Variants in BMP2K observed in about 807,000 individuals in gnomAD.
BMP2K encodes the protein BMP2 inducible kinase.
In BMP2K, 74 loss-of-function variants were observed where a neutral mutation model predicts 116.0. The ratio of observed to expected loss-of-function variants is 0.64; its 90% CI spans 0.53 to 0.77. The LOEUF (loss-of-function observed/expected upper bound fraction) is 0.77. Among genes scored for constraint, BMP2K ranks in the 30% least tolerant of loss-of-function variants. The pLI is 0.00. For synonymous variants in BMP2K, 486 were observed against 502.5 expected (o/e 0.97, Z 0.44); for missense variants, 1,365 against 1,403.6 (o/e 0.97, Z 0.44).
intron 1 of BMP2K, among the ~76,000 whole-genome samples, chr4:78,817,249 C>G (rs1162611057): frequency 2.0e-5 from 3 of 152,198 alleles, no homozygotes; most frequent in African/African-American, 7.2e-5. Context: ...AATTCTGACA[C>G]TTAACTGTTC....
rs116372096 is a variant in BMP2K at position 78,826,769 on chromosome 4, T to G, written c.297+614T>G. Among the ~76,000 whole-genome samples, 659 of 152,276 alleles carry G rather than the reference T, an allele frequency of 4.3e-3. 8 individuals are homozygous for G. The highest frequency in any genetic ancestry group is 0.015 in the African/African-American group (610 of 41,538). On this transcript the variant is annotated intron_variant, in intron 2 of 15. Transcript: ENST00000502613. The stretch of plus-strand genomic sequence containing the variant: ...TGTATACTTTAAAGCTACTCTGCTT[T>G]CTTTCTTTTTTTTTTCTTAAATACT...
intron 8 of BMP2K, chr4:78,860,015 GTT>G (rs375841644): frequency 3.0e-4 from 138 of 463,758 alleles, no homozygotes; most frequent in Admixed American, 4.7e-4. Flanking sequence ...AGGACTGTTA[GTT>G]TTTTTTTTTT....
chr4:78,795,177 CATA>C (rs796464937), intron 1 of BMP2K, among the ~76,000 whole-genome samples: 1 of 152,294 alleles, frequency 6.6e-6, no homozygotes, highest in African/African-American at 2.4e-5. Flanking sequence ...CGCAGTGTGC[CATA>C]ATAACTTTTT....
chr4:78,908,754 A>G (rs1319714355), intron 15 of BMP2K, among the ~76,000 whole-genome samples: 1 of 152,210 alleles, frequency 6.6e-6, no homozygotes, highest in Non-Finnish European at 1.5e-5. Context: ...TTAAAAAATT[A>G]TGCTCATTAA....
rs1358449837 is a variant in BMP2K, at chr4:78,839,622, A to G, written c.404-2763A>G. 2.6e-5 allele frequency among the ~76,000 whole-genome samples: 4 copies of G among 152,196 alleles called. No homozygotes were observed. In the East Asian group the frequency reaches 5.8e-4, roughly 22 times the overall value. ...CAGAACTAATAGGATAGATATACATATAAAGGGGAGCTTTATATGTATATA... is the reference window on the plus strand; with the variant it reads ...CAGAACTAATAGGATAGATATACATGTAAAGGGGAGCTTTATATGTATATA... On this transcript the variant is annotated intron_variant, in intron 3 of 15. Coordinates refer to ENST00000502613, the MANE Select transcript of BMP2K (RefSeq NM_198892.2).
intron 1 of BMP2K, among the ~76,000 whole-genome samples, chr4:78,782,625 A>C (rs569772032): frequency 6.6e-6 from 1 of 152,284 alleles, no homozygotes; most frequent in East Asian, 1.9e-4. Context: ...GTGTCATTTC[A>C]CTTAACAACT....
intron 1 of BMP2K, 62 bp downstream of exon 1, chr4:78,776,783 T>G: frequency 8.3e-7 from 1 of 1,200,294 alleles, no homozygotes; most frequent in Non-Finnish European, 1.0e-6. Context: ...TGGCGGCGGC[T>G]TCTCCGGGTC....
At chr4:78,849,099 T>A (rs1251358638) in intron 6 of BMP2K, among the ~76,000 whole-genome samples, 3 of 151,534 alleles carry the variant, frequency 2.0e-5, no homozygotes, top group African/African-American at 4.8e-5. Context: ...ATAATTATTT[T>A]AAAAAATAAT....
chr4:78,789,094 GTATTA>G (rs1411793723), intron 1 of BMP2K, among the ~76,000 whole-genome samples: 2 of 151,954 alleles, frequency 1.3e-5, no homozygotes, highest in Non-Finnish European at 2.9e-5. Flanking sequence ...AATATCCTGA[GTATTA>G]TATTAACTGT....
At chr4:78,876,785 T>C (rs752558387) in intron 13 of BMP2K, among the ~76,000 whole-genome samples, 2 of 152,220 alleles carry the variant, frequency 1.3e-5, no homozygotes, top group Non-Finnish European at 2.9e-5. Context: ...AGTCATGCAT[T>C]GCATAACAAT....
chr4:78,908,445 G>T (rs1734395295), intron 15 of BMP2K, among the ~76,000 whole-genome samples: 1 of 152,076 alleles, frequency 6.6e-6, no homozygotes. Flanking sequence ...AGTTTGTTTT[G>T]TATGTTCATC....
At chr4:78,876,698 A>G (rs1224771718) in intron 13 of BMP2K, among the ~76,000 whole-genome samples, 1 of 152,224 alleles carries the variant, frequency 6.6e-6, no homozygotes, top group African/African-American at 2.4e-5. Context: ...CTTCATTACT[A>G]CTGTTAAGAG....
chr4:78,835,537 G>C (rs999687980), intron 3 of BMP2K, among the ~76,000 whole-genome samples: 13 of 150,706 alleles, frequency 8.6e-5, no homozygotes, highest in Non-Finnish European at 1.8e-4. Context: ...GCTGAGGCAG[G>C]AGAATGGCAT....
At chr4:78,874,928 C>T (rs1325620430) in intron 13 of BMP2K, among the ~76,000 whole-genome samples, 1 of 152,154 alleles carries the variant, frequency 6.6e-6, no homozygotes, top group East Asian at 1.9e-4. Context: ...TAAGTTATCA[C>T]AAAAATCATC....
chr4:78,792,663 AT>A (rs200974779), intron 1 of BMP2K, among the ~76,000 whole-genome samples: 2,205 of 147,862 alleles, frequency 0.015, 49 homozygotes, highest in African/African-American at 0.048. Flanking sequence ...AACAAATGTG[AT>A]TTTTTTTTTT....
chr4:78,821,320 T>G (rs1043048346), intron 1 of BMP2K, among the ~76,000 whole-genome samples: 3 of 152,186 alleles, frequency 2.0e-5, no homozygotes, highest in Non-Finnish European at 4.4e-5. Context: ...GAAAGCCACT[T>G]TTAAATTGTG....
chr4:78,873,705 T>TATGC (rs1380911613), intron 13 of BMP2K, among the ~76,000 whole-genome samples: 5 of 146,126 alleles, frequency 3.4e-5, no homozygotes, highest in Non-Finnish European at 6.0e-5. Context: ...TGTGTGTGTG[T>TATGC]ATGCATGCAT....
chr4:78,799,993 G>A (rs951216282), intron 1 of BMP2K, among the ~76,000 whole-genome samples: 1 of 152,176 alleles, frequency 6.6e-6, no homozygotes, highest in Non-Finnish European at 1.5e-5. Flanking sequence ...AGGATATGCC[G>A]TACTCTGACA....
intron 1 of BMP2K, among the ~76,000 whole-genome samples, chr4:78,812,028 G>C (rs868324943): frequency 5.9e-5 from 9 of 151,978 alleles, no homozygotes; most frequent in South Asian, 2.1e-4. Context: ...GGCTAGAGTG[G>C]AGTGGCATGA....
Sources: allele counts gnomAD v4.1 joint callset (sites outside exome capture counted in the v4.1 genomes callset), GRCh38; gene constraint gnomAD v4.1.1; transcripts MANE v1.5; gene names NCBI Gene and HGNC (gene_info 2026-07-23, HGNC 2026-07-21).